The following SPPL3 variants were observed in gnomAD, a reference collection of about 807,000 sequenced individuals.
SPPL3 encodes signal peptide peptidase-like 3.
In SPPL3, 5 loss-of-function variants were observed where a neutral mutation model predicts 42.4. The ratio of observed to expected loss-of-function variants is 0.12; its 90% CI spans 0.06 to 0.25. The LOEUF (loss-of-function observed/expected upper bound fraction) is 0.25. Ranked by LOEUF, SPPL3 falls within the 10% of genes least tolerant of loss-of-function variation. The pLI is 1.00. For synonymous variants in SPPL3, 195 were observed against 181.8 expected, an observed-to-expected ratio of 1.07 and a Z score of -0.58; for missense variants, 235 against 489.0, an observed-to-expected ratio of 0.48 and a Z score of 4.90.
At chr12:120,765,477 AG>A (rs1868853004) in intron 10 of SPPL3, among the ~76,000 whole-genome samples, 1 of 152,058 alleles carries the variant, frequency 6.6e-6, no homozygotes, top group Admixed American at 6.6e-5. Flanking sequence ...TAGTAGAGAC[AG>A]GGTTTCACCA....
At chr12:120,807,993 T>C (rs1870556793) in intron 2 of SPPL3, among the ~76,000 whole-genome samples, 1 of 152,134 alleles carries the variant, frequency 6.6e-6, no homozygotes, top group African/African-American at 2.4e-5. Context: ...CTGAAAACTG[T>C]TTCAATCCAG....
chr12:120,828,675 C>T (rs1330995888), intron 1 of SPPL3, among the ~76,000 whole-genome samples: 1 of 152,198 alleles, frequency 6.6e-6, no homozygotes, highest in African/African-American at 2.4e-5. Context: ...AATACACGTA[C>T]TGTTCAATGG....
At chr12:120,841,568 G>A (rs1399273960) in intron 1 of SPPL3, among the ~76,000 whole-genome samples, 1 of 152,088 alleles carries the variant, frequency 6.6e-6, no homozygotes, top group Non-Finnish European at 1.5e-5. Context: ...GTAAAAGGGT[G>A]GAAAGAGAAA....
chr12:120,785,344 T>C (rs956388155), intron 3 of SPPL3, among the ~76,000 whole-genome samples: 1 of 152,046 alleles, frequency 6.6e-6, no homozygotes, highest in Non-Finnish European at 1.5e-5. Flanking sequence ...TAGAGTAGGA[T>C]TTAGCGCAAG....
chr12:120,852,219 TCAGA>T (rs1407661524), intron 1 of SPPL3, among the ~76,000 whole-genome samples: 23 of 151,930 alleles, frequency 1.5e-4, no homozygotes, highest in Admixed American at 2.0e-4. Context: ...TATAATGGGC[TCAGA>T]CAAATAATTT....
intron 1 of SPPL3, among the ~76,000 whole-genome samples, chr12:120,899,857 C>T (rs553476224): frequency 7.2e-6 from 1 of 137,992 alleles, no homozygotes; most frequent in East Asian, 2.2e-4. Context: ...CATGCCATTG[C>T]ACTCTTGGGC....
intron 2 of SPPL3, among the ~76,000 whole-genome samples, chr12:120,801,545 G>C (rs2136993901): frequency 6.6e-6 from 1 of 152,200 alleles, no homozygotes; most frequent in East Asian, 1.9e-4. Context: ...AGGGGGCACA[G>C]AGGAAGTTTT....
chr12:120,825,540 T>C (rs1006158400), intron 1 of SPPL3, among the ~76,000 whole-genome samples: 1 of 152,162 alleles, frequency 6.6e-6, no homozygotes, highest in Non-Finnish European at 1.5e-5. Flanking sequence ...CACAGGAATA[T>C]CAACAGGAGC....
At chr12:120,827,947 C>A (rs748737597) in intron 1 of SPPL3, among the ~76,000 whole-genome samples, 2 of 152,146 alleles carry the variant, frequency 1.3e-5, no homozygotes, top group African/African-American at 2.4e-5. Flanking sequence ...ACCACCACAC[C>A]TAGCTAATTT....
chr12:120,843,944 C>T lies in SPPL3; in HGVS notation c.24-33058G>A, dbSNP rs371276622. ...CTGCACTCCAGTCTGGGCAACAGAG[C>T]GAGATTCCTCCCAAAAATAAATATA... On this transcript the variant is annotated intron_variant, in intron 1 of 10. Transcript: ENST00000353487. 2.9e-3 allele frequency among the ~76,000 whole-genome samples: 445 copies of T among 152,218 alleles called. 4 individuals are homozygous for T. Among genetic ancestry groups the T allele is most frequent in the Non-Finnish European group, 4.7e-3 (321 of 68,002 alleles).
At chr12:120,820,214 C>CA (rs1274029580) in intron 1 of SPPL3, among the ~76,000 whole-genome samples, 2 of 150,700 alleles carry the variant, frequency 1.3e-5, no homozygotes, top group East Asian at 1.9e-4. Flanking sequence ...AAATTATATG[C>CA]AAAAAAACTT....
rs768014613 is a variant in SPPL3, at chr12:120,791,592, T to C, written c.102-35A>G. On this transcript the variant is annotated intron_variant, in intron 2 of 10. Coordinates refer to ENST00000353487, the MANE Select transcript of SPPL3 (RefSeq NM_139015.5). ...AAAATTTTGTAGTTAAGTTGTAGTT[T>C]TGCTTACAAAAGAAGGTCAGAAAAG... 4.8e-6 allele frequency: 7 copies of C among 1,461,788 alleles called. No homozygotes were observed. The African/African-American group carries it at 5.6e-5, about 12-fold the overall frequency. 90.6% of individuals were successfully genotyped at this position (1,461,788 alleles called of 1,614,324 possible). A position where few individuals can be genotyped will look rare whatever the true frequency, so the allele number is the denominator to read the frequency against.
chr12:120,860,142 G>A (rs1418172288), intron 1 of SPPL3, among the ~76,000 whole-genome samples: 7 of 152,156 alleles, frequency 4.6e-5, no homozygotes, highest in Non-Finnish European at 1.5e-5. Context: ...AATCTGGGCT[G>A]CAGTGAGCCA....
chr12:120,853,771 G>C lies in SPPL3; in HGVS notation c.24-42885C>G, dbSNP rs56096481. ...TCATAAATTTCTAAAAAGTTCCCAG[G>C]CAATACAGATGCTACTACTAGTCCA... On this transcript the variant is annotated intron_variant, in intron 1 of 10. Coordinates refer to ENST00000353487, the MANE Select transcript of SPPL3 (RefSeq NM_139015.5). Among the ~76,000 whole-genome samples the C allele has an allele frequency of 2.9e-3, 447 of 152,092 alleles. 2 individuals carry two copies. Among genetic ancestry groups the C allele is most frequent in the African/African-American group, 0.011 (438 of 41,456 alleles).
At chr12:120,854,340 T>C (rs891868852) in intron 1 of SPPL3, among the ~76,000 whole-genome samples, 1 of 152,192 alleles carries the variant, frequency 6.6e-6, no homozygotes, top group African/African-American at 2.4e-5. Flanking sequence ...AGAAACTGTT[T>C]TGGTGATAAG....
chr12:120,793,747 G>A (rs547375264), intron 2 of SPPL3, among the ~76,000 whole-genome samples: 20 of 152,336 alleles, frequency 1.3e-4, no homozygotes, highest in African/African-American at 4.8e-4. Context: ...GGTATTTCAT[G>A]GCAGCCTGGG....
intron 1 of SPPL3, among the ~76,000 whole-genome samples, chr12:120,838,841 T>C (rs1665401073): frequency 1.3e-5 from 2 of 152,084 alleles, no homozygotes; most frequent in Admixed American, 1.3e-4. Flanking sequence ...TGGCAATCAT[T>C]AAAAAGTCAG....
At chr12:120,788,527 C>T (rs1305865303) in intron 3 of SPPL3, among the ~76,000 whole-genome samples, 1 of 152,160 alleles carries the variant, frequency 6.6e-6, no homozygotes, top group Non-Finnish European at 1.5e-5. Flanking sequence ...TAATGCTTCT[C>T]CTTCTCCTAG....
chr12:120,773,676 G>C (rs1474098405), intron 6 of SPPL3, among the ~76,000 whole-genome samples: 1 of 152,200 alleles, frequency 6.6e-6, no homozygotes, highest in Non-Finnish European at 1.5e-5. Context: ...CCCACGCTGA[G>C]TGCAGTGGCA....
Sources: gnomAD v4.1 joint callset for allele counts (sites outside exome capture counted in the v4.1 genomes callset) on GRCh38, gnomAD v4.1.1 for gene constraint, MANE v1.5 for transcripts, NCBI Gene and HGNC (gene_info 2026-07-23, HGNC 2026-07-21) for gene names.